Variants in KHDRBS3 observed in about 807,000 individuals in gnomAD.
KHDRBS3 encodes KH domain-containing, RNA-binding, signal transduction-associated protein 3.
A neutral mutation model predicts 45.6 loss-of-function variants in KHDRBS3; 23 were observed. That is an observed-to-expected ratio of 0.50 (90% CI 0.36 to 0.72). The LOEUF (loss-of-function observed/expected upper bound fraction) is 0.72. Among genes scored for constraint, KHDRBS3 ranks in the 30% least tolerant of loss-of-function variants. The pLI is 0.00. For synonymous variants in KHDRBS3, 162 were observed against 156.5 expected (o/e 1.04, Z -0.26); for missense variants, 352 against 424.8 (o/e 0.83, Z 1.51).
chr8:135,622,759 G>T (rs1300524654), intron 7 of KHDRBS3, among the ~76,000 whole-genome samples: 1 of 152,118 alleles, frequency 6.6e-6, no homozygotes. Flanking sequence ...TAATGGTATC[G>T]GAAGAGCCAA....
chr8:135,562,794 G>A (rs918008951), intron 5 of KHDRBS3, among the ~76,000 whole-genome samples: 3 of 152,196 alleles, frequency 2.0e-5, no homozygotes, highest in African/African-American at 7.2e-5. Context: ...ACAGAATTCA[G>A]TGTCTAAATG....
intron 2 of KHDRBS3, among the ~76,000 whole-genome samples, chr8:135,525,422 T>G (rs2130678336): frequency 6.6e-6 from 1 of 152,310 alleles, no homozygotes; most frequent in Non-Finnish European, 1.5e-5. Context: ...TCTCTGCCAC[T>G]AAAGCCAAAA....
At chr8:135,547,502 C>A (rs753169659) in intron 3 of KHDRBS3, among the ~76,000 whole-genome samples, 7 of 152,164 alleles carry the variant, frequency 4.6e-5, no homozygotes, top group Admixed American at 6.5e-5. Flanking sequence ...TAGTGACTGG[C>A]ATAGCTGAGA....
chr8:135,553,257 T>G (rs1030630264), intron 4 of KHDRBS3, among the ~76,000 whole-genome samples: 1 of 152,042 alleles, frequency 6.6e-6, no homozygotes, highest in African/African-American at 2.4e-5. Context: ...TGAATAAATA[T>G]ATTATATTTT....
chr8:135,526,886 T>C (rs1261665044), intron 2 of KHDRBS3, among the ~76,000 whole-genome samples: 2 of 152,102 alleles, frequency 1.3e-5, no homozygotes, highest in Non-Finnish European at 2.9e-5. Context: ...TGTTTTATGA[T>C]TTTTTTAGAA....
intron 7 of KHDRBS3, among the ~76,000 whole-genome samples, chr8:135,637,205 T>C (rs1187328209): frequency 1.3e-5 from 2 of 152,242 alleles, no homozygotes; most frequent in East Asian, 3.8e-4. Flanking sequence ...TTTTAGTCAT[T>C]TACCTTAAAG....
intron 6 of KHDRBS3, among the ~76,000 whole-genome samples, chr8:135,597,979 C>T (rs1829046153): frequency 6.6e-6 from 1 of 152,122 alleles, no homozygotes; most frequent in Non-Finnish European, 1.5e-5. Context: ...AAATGAAATT[C>T]TACCTCAGTT....
intron 1 of KHDRBS3, among the ~76,000 whole-genome samples, chr8:135,469,837 A>G (rs1268601178): frequency 1.3e-5 from 2 of 152,130 alleles, no homozygotes; most frequent in Non-Finnish European, 2.9e-5. Context: ...AGGACCACCT[A>G]TTGTTAATGC....
At position 135,589,538 on chromosome 8, in the gene KHDRBS3, A is replaced by T. The variant is rs148966723; in HGVS notation, c.807+7465A>T. On this transcript the variant is annotated intron_variant, in intron 6 of 8. Transcript: ENST00000355849. ...TTTCCCGAGCTCTTGGCTCCCTTTG[A>T]ATGTGCTTTCTTATTTTGTCCATGC... is the stretch of plus-strand genomic sequence containing the variant. 5.7e-3 allele frequency among the ~76,000 whole-genome samples: 873 copies of T among 152,306 alleles called. 3 individuals carry two copies. The highest frequency in any genetic ancestry group is 0.012 in the South Asian group (59 of 4,812).
At chr8:135,509,894 ATTC>A (rs1009360160) in intron 1 of KHDRBS3, among the ~76,000 whole-genome samples, 2 of 151,574 alleles carry the variant, frequency 1.3e-5, no homozygotes, top group African/African-American at 2.4e-5. Flanking sequence ...GGTGTCACAA[ATTC>A]TTCTTGAAAT....
chr8:135,554,130 C>T (rs1396320517), intron 4 of KHDRBS3, among the ~76,000 whole-genome samples: 2 of 152,170 alleles, frequency 1.3e-5, no homozygotes, highest in Non-Finnish European at 2.9e-5. Flanking sequence ...AAGTGATTGA[C>T]TCAAATTCCA....
At chr8:135,465,671 C>T (rs1319338069) in intron 1 of KHDRBS3, among the ~76,000 whole-genome samples, 1 of 152,124 alleles carries the variant, frequency 6.6e-6, no homozygotes, top group Non-Finnish European at 1.5e-5. Flanking sequence ...GTCTGGACAC[C>T]CAGCAGCCTC....
At chr8:135,478,583 G>T (rs1822411970) in intron 1 of KHDRBS3, among the ~76,000 whole-genome samples, 1 of 152,164 alleles carries the variant, frequency 6.6e-6, no homozygotes, top group Non-Finnish European at 1.5e-5. Context: ...CCAGTTCATA[G>T]AACAAGCCTC....
intron 1 of KHDRBS3, among the ~76,000 whole-genome samples, chr8:135,515,221 C>T (rs904194988): frequency 6.6e-6 from 1 of 151,692 alleles, no homozygotes; most frequent in African/African-American, 2.4e-5. Flanking sequence ...AAAAAATTAG[C>T]CAGGCGTGGT....
At chr8:135,593,276 A>G (rs1448022021) in intron 6 of KHDRBS3, 1 of 152,138 alleles carries the variant, frequency 6.6e-6, no homozygotes, top group Non-Finnish European at 1.5e-5. Flanking sequence ...GATCTCCTGG[A>G]GTAGTTGTCA....
At chr8:135,471,115 A>G (rs191109429) in intron 1 of KHDRBS3, among the ~76,000 whole-genome samples, 93 of 152,300 alleles carry the variant, frequency 6.1e-4, no homozygotes, top group African/African-American at 2.0e-3. Context: ...TACTCGTTGT[A>G]TACTCCTTGA....
chr8:135,587,425 A>G (rs1241341235), intron 6 of KHDRBS3, among the ~76,000 whole-genome samples: 1 of 152,200 alleles, frequency 6.6e-6, no homozygotes, highest in Non-Finnish European at 1.5e-5. Flanking sequence ...CTCAAACAAG[A>G]TAATTTAATG....
intron 6 of KHDRBS3, among the ~76,000 whole-genome samples, chr8:135,585,802 G>T (rs541166453): frequency 1.3e-5 from 2 of 152,192 alleles, no homozygotes; most frequent in African/African-American, 4.8e-5. Context: ...CTCAGTTTTT[G>T]GCACATTGTA....
At chr8:135,490,000 T>C (rs1418310439) in intron 1 of KHDRBS3, among the ~76,000 whole-genome samples, 1 of 152,146 alleles carries the variant, frequency 6.6e-6, no homozygotes, top group Non-Finnish European at 1.5e-5. Flanking sequence ...TTTGGCTAGA[T>C]TTAGATACAC....
Sources: gnomAD v4.1 joint callset for allele counts (sites outside exome capture counted in the v4.1 genomes callset) on GRCh38, gnomAD v4.1.1 for gene constraint, MANE v1.5 for transcripts, NCBI Gene and HGNC (gene_info 2026-07-23, HGNC 2026-07-21) for gene names.